DYTN: variants seen among roughly 807,000 people sequenced by gnomAD.
The protein encoded by DYTN is dystrotelin.
DYTN carries 75 observed loss-of-function variants against 69.6 expected under a neutral mutation model. The observed-to-expected ratio is 1.08, with a 90% CI of 0.89 to 1.31. The LOEUF (loss-of-function observed/expected upper bound fraction) is 1.31. Ranked by LOEUF, DYTN falls within the 50% of genes most tolerant of loss-of-function variation. The pLI is 0.00. For synonymous variants in DYTN, 252 were observed against 249.1 expected, an observed-to-expected ratio of 1.01 and a Z score of -0.11; for missense variants, 726 against 688.4, an observed-to-expected ratio of 1.05 and a Z score of -0.61.
At position 206,707,326 on chromosome 2, in the gene DYTN, C is replaced by T; in HGVS notation, c.272G>A (p.Ser91Asn). The T allele has an allele frequency of 1.9e-6, 3 of 1,612,254 alleles. No individual in the cohort carries two copies. The highest frequency in any genetic ancestry group is 4.5e-5 in the East Asian group (2 of 44,854). ...CCTGTTGTACATTGTCGTGAGAAGG[C>T]TCAGAGTGAGTTCCGGAGCTCTGGG... The part of the protein sequence containing the change: ...VHPRAPELTL[S>N]LLTTMYNSKG... The change falls in exon 3 of 12, where the codon AGC (serine) becomes AAC (asparagine). Residue 91 changes from serine to asparagine, a missense_variant. Transcript: ENST00000452335.
At chr2:206,699,932 C>G (rs780332404) in intron 6 of DYTN, 42 bp from the exon 7 acceptor site, 2 of 1,586,456 alleles carry the variant, frequency 1.3e-6, no homozygotes, top group Non-Finnish European at 1.7e-6. Context: ...TTAGGCACGA[C>G]TTGATATTTT....
intron 9 of DYTN, among the ~76,000 whole-genome samples, chr2:206,669,114 T>C (rs1699604920): frequency 6.6e-6 from 1 of 152,254 alleles, no homozygotes. Context: ...AATAGATAAC[T>C]AGTAATTGAA....
chr2:206,718,257 T>C lies in DYTN; in HGVS notation c.19+4A>G. The C allele has an allele frequency of 1.3e-6, 2 of 1,597,334 alleles. No individual in the cohort carries two copies. The highest frequency in any genetic ancestry group is 1.1e-5 in the South Asian group (1 of 88,052). ...ATGCTCAGAAACTTGACAATAATAC[T>C]CACCTTGTTTATCTGGATCCATTTC... On this transcript the variant is annotated splice_donor_region_variant and intron_variant, in intron 1 of 11. Coordinates refer to ENST00000452335, the MANE Select transcript of DYTN (RefSeq NM_001093730.1).
chr2:206,685,773 AT>A (rs548611985), intron 9 of DYTN, among the ~76,000 whole-genome samples: 1 of 151,808 alleles, frequency 6.6e-6, no homozygotes, highest in African/African-American at 2.4e-5. Flanking sequence ...GCAAACATTC[AT>A]TTTTTCCCCT....
intron 9 of DYTN, among the ~76,000 whole-genome samples, chr2:206,692,956 A>T (rs776627442): frequency 6.6e-5 from 10 of 152,212 alleles, no homozygotes; most frequent in Non-Finnish European, 8.8e-5. Flanking sequence ...ATAACTCTAA[A>T]CATCTGGATG....
At position 206,707,400 on chromosome 2, in the gene DYTN, G is replaced by A; in HGVS notation, c.198C>T (p.Leu66=). The A allele has an allele frequency of 6.2e-7, 1 of 1,613,276 alleles. No homozygotes were observed. The highest frequency in any genetic ancestry group is 8.5e-7 in the Non-Finnish European group (1 of 1,179,692). ...SLSVQQLSQA[L]QELFQKAREE... ...CCCTGGCCTTCTGAAACAGCTCTTG[G>A]AGTGCCTGAGAAAGTTGCTGCACAG... The change falls in exon 3 of 12, where the codon CTC becomes CTT. Residue 66 remains leucine (L), a synonymous_variant. Transcript: ENST00000452335.
chr2:206,702,798 A>G (rs935929577), intron 5 of DYTN, among the ~76,000 whole-genome samples: 1 of 152,180 alleles, frequency 6.6e-6, no homozygotes, highest in Non-Finnish European at 1.5e-5. Flanking sequence ...TGGGTTTTCA[A>G]CCTACATTTT....
At chr2:206,694,938 A>AT in intron 7 of DYTN, 61 bp from the exon 8 acceptor site, 2 of 1,226,930 alleles carry the variant, frequency 1.6e-6, no homozygotes. Flanking sequence ...AAAAAAAAAA[A>AT]GAATATCCAG....
intron 9 of DYTN, among the ~76,000 whole-genome samples, chr2:206,689,452 G>A (rs1699842192): frequency 6.6e-6 from 1 of 152,186 alleles, no homozygotes; most frequent in South Asian, 2.1e-4. Context: ...ACTCATCAAA[G>A]TCTAGGGTAC....
At chr2:206,716,703 T>C (rs1471533795) in intron 1 of DYTN, among the ~76,000 whole-genome samples, 3 of 152,040 alleles carry the variant, frequency 2.0e-5, no homozygotes, top group Non-Finnish European at 2.9e-5. Context: ...TAATTTACAA[T>C]AGTGTAATGC....
chr2:206,684,563 G>A (rs1277870467), intron 9 of DYTN, among the ~76,000 whole-genome samples: 1 of 152,130 alleles, frequency 6.6e-6, no homozygotes, highest in Non-Finnish European at 1.5e-5. Context: ...CACTTTGAGA[G>A]GCAGAACCTT....
At chr2:206,706,971 T>C (rs1039855748) in intron 3 of DYTN, among the ~76,000 whole-genome samples, 1 of 151,434 alleles carries the variant, frequency 6.6e-6, no homozygotes, top group Admixed American at 6.6e-5. Context: ...TAGCAAGAAC[T>C]AAGTGTCGCT....
chr2:206,659,204 C>A lies in DYTN; in HGVS notation c.1633+3699G>T, dbSNP rs527377583. ...TTTTTTTTTTTGAGACGGAGTCTCACCCTGTCGCCCAGGTTGGAGTGCACG... is the reference window on the plus strand; with the variant it reads ...TTTTTTTTTTTGAGACGGAGTCTCAACCTGTCGCCCAGGTTGGAGTGCACG... On this transcript the variant is annotated intron_variant, in intron 11 of 11. Transcript: ENST00000452335. 9.1e-5 allele frequency among the ~76,000 whole-genome samples: 13 copies of A among 142,832 alleles called. 1 individual carries two copies. The South Asian group carries it at 2.9e-3, about 32-fold the overall frequency. 93.7% of individuals were successfully genotyped at this position (142,832 alleles called of 152,430 possible). A position where few individuals can be genotyped will look rare whatever the true frequency, so the allele number is the denominator to read the frequency against.
In DYTN at chr2:206,663,120, C is replaced by T. The variant is rs368849506; in HGVS notation, c.1416G>A (p.Met472Ile). The T allele has an allele frequency of 3.1e-6, 5 of 1,613,724 alleles. No homozygotes were observed. Among genetic ancestry groups the T allele is most frequent in the Non-Finnish European group, 4.2e-6 (5 of 1,179,874 alleles). The change falls in exon 11 of 12, where the codon ATG (methionine) becomes ATA (isoleucine). Residue 472 changes from methionine to isoleucine, a missense_variant. Transcript: ENST00000452335. ...GTAGGGCACTAATGACTTTCTGTGG[C>T]ATCTTTTGTGTTTGGCTTTGTGCCC... The part of the protein sequence containing the change: ...STRAQSQTQK[M>I]PQKVISALPS...
chr2:206,666,009 T>C lies in DYTN; in HGVS notation c.1001A>G (p.Asn334Ser). The C allele has an allele frequency of 6.2e-7, 1 of 1,613,806 alleles. No individual in the cohort carries two copies. The highest frequency in any genetic ancestry group is 8.5e-7 in the Non-Finnish European group (1 of 1,179,808). The stretch of plus-strand genomic sequence containing the variant: ...AGCTTGCAACTTGTCTTTGTATTGG[T>C]TTAACTGTTTTTTAAGGAGCCTGAA... ...AQARLLKKQL[N>S]QYKDKLQAIY... Residue 334 changes from asparagine to serine, a missense_variant, in exon 10 of 12, where the codon AAC (asparagine) becomes AGC (serine). Coordinates refer to ENST00000452335, the MANE Select transcript of DYTN (RefSeq NM_001093730.1).
In DYTN at chr2:206,665,860, C is replaced by T. The variant is rs1204730126; in HGVS notation, c.1140+10G>A. On this transcript the variant is annotated intron_variant, in intron 10 of 11. Coordinates refer to ENST00000452335, the MANE Select transcript of DYTN (RefSeq NM_001093730.1). ...CAGTCCAGATGGCCAGTGTCCCTCA[C>T]ATTTTATACCTGTAGGTCCCGTCTT... 2.5e-6 allele frequency: 4 copies of T among 1,612,540 alleles called. No homozygotes were observed. Among genetic ancestry groups the T allele is most frequent in the Admixed American group, 1.7e-5 (1 of 59,880 alleles).
intron 9 of DYTN, among the ~76,000 whole-genome samples, chr2:206,668,885 T>C (rs966476143): frequency 6.6e-6 from 1 of 152,108 alleles, no homozygotes; most frequent in African/African-American, 2.4e-5. Context: ...ATCTGGCGTT[T>C]CCCCCGCTTG....
intron 9 of DYTN, among the ~76,000 whole-genome samples, chr2:206,686,163 T>C (rs1388287943): frequency 6.6e-6 from 1 of 152,178 alleles, no homozygotes; most frequent in Non-Finnish European, 1.5e-5. Context: ...CCCCATGATC[T>C]TACTTTCCAG....
intron 3 of DYTN, among the ~76,000 whole-genome samples, chr2:206,706,457 G>A (rs1365278767): frequency 6.7e-6 from 1 of 149,382 alleles, no homozygotes; most frequent in Non-Finnish European, 1.5e-5. Flanking sequence ...AATAACTTGA[G>A]AATGTATGTA....
Sources: allele counts gnomAD v4.1 joint callset (sites outside exome capture counted in the v4.1 genomes callset), GRCh38; gene constraint gnomAD v4.1.1; transcripts MANE v1.5; gene names NCBI Gene and HGNC (gene_info 2026-07-23, HGNC 2026-07-21).